The following ERICH3 variants were observed in gnomAD, a reference collection of about 807,000 sequenced individuals.
ERICH3 encodes the protein glutamate-rich protein 3.
In ERICH3, 126 loss-of-function variants were observed where a neutral mutation model predicts 131.1. The observed-to-expected ratio is 0.96, with a 90% confidence interval of 0.83 to 1.11. ERICH3 has a LOEUF of 1.11. Among genes scored for constraint, ERICH3 ranks in the 50% most tolerant of loss-of-function variants. The probability of loss-of-function intolerance (pLI) is 0.00; values close to 1 mark genes in which losing one functional copy is unlikely to be tolerated. For synonymous variants in ERICH3, 695 were observed against 644.6 expected (o/e 1.08, Z -1.18); for missense variants, 2,050 against 1,810.7 (o/e 1.13, Z -2.40).
chr1:74,651,464 T>TA (rs1646534128), intron 1 of ERICH3, among the ~76,000 whole-genome samples: 1 of 152,136 alleles, frequency 6.6e-6, no homozygotes, highest in Non-Finnish European at 1.5e-5. Flanking sequence ...AACCATCTTT[T>TA]AAATGAACTG....
In ERICH3 at chr1:74,631,761, TCTTCTC is replaced by T; in HGVS notation, c.765_770del (p.Arg256_Arg257del). On this transcript the variant is annotated inframe_deletion, in exon 7 of 15. Transcript: ENST00000326665. ...CATTTGGAGCAGTGGTTGGACGAAA[TCTTCTC>T]CTTCTCCATGTTTCAGATCTATTTT... The T allele has an allele frequency of 6.2e-7, 1 of 1,613,610 alleles. No individual in the cohort carries two copies. Among genetic ancestry groups the T allele is most frequent in the Non-Finnish European group, 8.5e-7 (1 of 1,179,660 alleles).
At position 74,571,316 on chromosome 1, in the gene ERICH3, C is replaced by T. The variant is rs147658636; in HGVS notation, c.4394G>A (p.Arg1465Lys). 327 of 1,613,966 alleles carry T rather than the reference C, an allele frequency of 2.0e-4. 1 individual carries two copies. The highest frequency in any genetic ancestry group is 1.6e-3 in the Middle Eastern group (10 of 6,082). ...QEAATGSGDG[R>K]QETGAAEKFR... The stretch of plus-strand genomic sequence containing the variant: ...TTTTTCAGCTGCTCCTGTCTCCTGC[C>T]TCCCATCGCCACTCCCAGTGGCTGC... The change falls in exon 14 of 15, where the codon AGG (arginine) becomes AAG (lysine). Residue 1465 changes from arginine (R) to lysine (K), a missense_variant. Transcript: ENST00000326665.
At chr1:74,627,406 G>A (rs926293285) in intron 7 of ERICH3, among the ~76,000 whole-genome samples, 4 of 151,898 alleles carry the variant, frequency 2.6e-5, no homozygotes, top group African/African-American at 9.7e-5. Flanking sequence ...GCAATTAATA[G>A]CATAAAATTC....
chr1:74,637,382 A>G (rs561044387), intron 5 of ERICH3, among the ~76,000 whole-genome samples: 1 of 151,998 alleles, frequency 6.6e-6, no homozygotes. Context: ...GTGGCTCCTG[A>G]TATGCTGACC....
intron 12 of ERICH3, among the ~76,000 whole-genome samples, chr1:74,580,895 G>A (rs998951759): frequency 6.6e-6 from 1 of 152,126 alleles, no homozygotes; most frequent in Non-Finnish European, 1.5e-5. Context: ...TACCCAATAA[G>A]TAGTTTTTCA....
At position 74,572,079 on chromosome 1, in the gene ERICH3, C is replaced by G. The variant is rs1646960732; in HGVS notation, c.3631G>C (p.Asp1211His). Residue 1211 changes from aspartate (D) to histidine (H), a missense_variant, in exon 14 of 15, where the codon GAT becomes CAT. Physicochemically the swap from Asp to His is moderately conservative, Grantham distance 81. Coordinates refer to ENST00000326665, the MANE Select transcript of ERICH3 (RefSeq NM_001002912.5). ...GGAGCTGCTAAGGCCCCCTCTCCAT[C>G]TTGGCGGTGCCCTTCCTTCAGGGCC... Reference protein sequence around the residue: ...NRALKEGHRQDGEGALAAPEA... With the variant: ...NRALKEGHRQHGEGALAAPEA... 6.2e-7 allele frequency: 1 copy of G among 1,614,140 alleles called. No individual in the cohort carries two copies. The highest frequency in any genetic ancestry group is 2.2e-5 in the East Asian group (1 of 44,896).
intron 10 of ERICH3, among the ~76,000 whole-genome samples, chr1:74,601,498 C>A (rs1002151141): frequency 6.6e-6 from 1 of 151,776 alleles, no homozygotes; most frequent in Non-Finnish European, 1.5e-5. Context: ...CACAATGGGG[C>A]TGGGTTGCTA....
chr1:74,644,043 A>G (rs193208587), intron 3 of ERICH3, among the ~76,000 whole-genome samples: 23 of 151,644 alleles, frequency 1.5e-4, no homozygotes, highest in Non-Finnish European at 1.9e-4. Flanking sequence ...AATAAGCCCC[A>G]TGTAAAAATA....
At position 74,599,792 on chromosome 1, in the gene ERICH3, C is replaced by T; in HGVS notation, c.1629G>A (p.Glu543=). ...DKKDNLDPEK[E]SETSSQKAPD... ...GTGCCTTCTGTGATGAGGTTTCACTCTCTTTTTCAGGGTCTAAATTATCTT... is the reference window on the plus strand; with the variant it reads ...GTGCCTTCTGTGATGAGGTTTCACTTTCTTTTTCAGGGTCTAAATTATCTT... Residue 543 remains glutamate (E), a synonymous_variant, in exon 11 of 15, where the codon GAG becomes GAA. Coordinates refer to ENST00000326665, the MANE Select transcript of ERICH3 (RefSeq NM_001002912.5). 1 of 1,612,508 alleles carries T rather than the reference C, an allele frequency of 6.2e-7. No individual in the cohort carries two copies. The highest frequency in any genetic ancestry group is 8.5e-7 in the Non-Finnish European group (1 of 1,179,004).
intron 12 of ERICH3, chr1:74,578,632 T>G (rs1275602127): frequency 1.3e-5 from 2 of 152,476 alleles, no homozygotes; most frequent in African/African-American, 4.8e-5. Context: ...TTTTCCTTCC[T>G]TCCTTCCTTT....
chr1:74,572,408 T>A lies in ERICH3; in HGVS notation c.3302A>T (p.Glu1101Val). The change falls in exon 14 of 15, where the codon GAA becomes GTA. Residue 1101 changes from glutamate to valine, a missense_variant. By Grantham distance (121) the Glu-to-Val change is moderately radical (BLOSUM62 -2). Coordinates refer to ENST00000326665, the MANE Select transcript of ERICH3 (RefSeq NM_001002912.5). ...AFKEEQKLKA[E>V]EGETETEVRA... ...TACTTCTGTCTCTGTTTCCCCTTCT[T>A]CCGCTTTAAGTTTTTGCTCTTCTTT... 6.2e-7 allele frequency: 1 copy of A among 1,613,876 alleles called. No homozygotes were observed. The highest frequency in any genetic ancestry group is 1.1e-5 in the South Asian group (1 of 91,072).
At chr1:74,576,959 A>T (rs1315272480) in intron 12 of ERICH3, 23 bp from the exon 13 acceptor site, 1 of 1,584,540 alleles carries the variant, frequency 6.3e-7, no homozygotes, top group East Asian at 2.2e-5. Flanking sequence ...AAAAAAAAGA[A>T]AAAAAAGGTC....
intron 7 of ERICH3, chr1:74,624,356 C>G (rs1448890288): frequency 6.6e-6 from 1 of 152,206 alleles, no homozygotes; most frequent in African/African-American, 2.4e-5. Context: ...GAGAGAAAGT[C>G]TGACACAAGC....
intron 7 of ERICH3, among the ~76,000 whole-genome samples, chr1:74,628,281 T>C (rs1483430100): frequency 6.6e-6 from 1 of 152,184 alleles, no homozygotes; most frequent in Non-Finnish European, 1.5e-5. Flanking sequence ...CTCAACAAAG[T>C]TTCACTTGGA....
At chr1:74,659,133 T>C (rs535989520) in intron 1 of ERICH3, among the ~76,000 whole-genome samples, 1 of 152,232 alleles carries the variant, frequency 6.6e-6, no homozygotes, top group Non-Finnish European at 1.5e-5. Context: ...TCTGAGCCAG[T>C]AGAAGAGAAC....
chr1:74,578,805 A>G (rs990871324), intron 12 of ERICH3, among the ~76,000 whole-genome samples: 1 of 152,124 alleles, frequency 6.6e-6, no homozygotes, highest in Admixed American at 6.6e-5. Context: ...TGCTTAGTTT[A>G]AAGTGAACTG....
chr1:74,572,723 G>A lies in ERICH3; in HGVS notation c.2987C>T (p.Pro996Leu), dbSNP rs1445336700. The A allele has an allele frequency of 6.2e-7, 1 of 1,613,582 alleles. No individual in the cohort carries two copies. Among genetic ancestry groups the A allele is most frequent in the Admixed American group, 1.7e-5 (1 of 59,950 alleles). Residue 996 changes from proline (P) to leucine (L), a missense_variant, in exon 14 of 15, where the codon CCC (proline) becomes CTC (leucine). Physicochemically the swap from Pro to Leu is moderately conservative, Grantham distance 98. Transcript: ENST00000326665. ...EVMRTETRLS[P>L]FTGEAEASRM... ...GCTTGCCTCTGCCTCTCCTGTGAAG[G>A]GGCTCAAGCGTGTTTCTGTTCTCAT...
intron 13 of ERICH3, 34 bp from the exon 14 acceptor site, chr1:74,573,525 T>G: frequency 6.7e-7 from 1 of 1,484,318 alleles, no homozygotes; most frequent in Non-Finnish European, 8.9e-7. Flanking sequence ...AAGATTACTT[T>G]AATCCAAGCG....
At chr1:74,650,048 TG>T (rs1258828548) in intron 1 of ERICH3, among the ~76,000 whole-genome samples, 3 of 152,172 alleles carry the variant, frequency 2.0e-5, no homozygotes, top group Non-Finnish European at 4.4e-5. Context: ...TGATGATATT[TG>T]TCATGTATCG....
Sources: allele counts gnomAD v4.1 joint callset (sites outside exome capture counted in the v4.1 genomes callset), GRCh38; gene constraint gnomAD v4.1.1; transcripts MANE v1.5; gene names NCBI Gene and HGNC (gene_info 2026-07-23, HGNC 2026-07-21).